SERPINA12: variants seen among roughly 807,000 people sequenced by gnomAD.
SERPINA12 encodes serpin A12.
In SERPINA12, 21 loss-of-function variants were observed where a neutral mutation model predicts 25.9. The ratio of observed to expected loss-of-function variants is 0.81; its 90% CI spans 0.58 to 1.17. SERPINA12 has a LOEUF of 1.17. Ranked by LOEUF, SERPINA12 falls within the 50% of genes most tolerant of loss-of-function variation. The pLI is 0.00. For synonymous variants in SERPINA12, 220 were observed against 196.0 expected, an observed-to-expected ratio of 1.12 and a Z score of -1.02; for missense variants, 562 against 508.3, an observed-to-expected ratio of 1.11 and a Z score of -1.02.
chr14:94,504,606 G>A (rs1237897264), intron 1 of SERPINA12, among the ~76,000 whole-genome samples: 3 of 152,190 alleles, frequency 2.0e-5, no homozygotes, highest in African/African-American at 4.8e-5. Flanking sequence ...CTCACATGGA[G>A]TCCTTTGGGG....
exon 2 of SERPINA12, chr14:94,516,134 G>T: frequency 6.6e-6 from 1 of 152,636 alleles, no homozygotes. Flanking sequence ...CATGAGCTGG[G>T]CTTCCACCAG....
intron 4 of SERPINA12, among the ~76,000 whole-genome samples, chr14:94,488,182 G>A (rs1595681780): frequency 6.6e-6 from 1 of 152,210 alleles, no homozygotes; most frequent in East Asian, 1.9e-4. Context: ...TTAAATGTTT[G>A]TGGGAAGTCT....
exon 1 of SERPINA12, chr14:94,517,660 AC>A (rs1168026194): frequency 6.6e-6 from 1 of 152,140 alleles, no homozygotes; most frequent in Non-Finnish European, 1.5e-5. Flanking sequence ...TGATTTCCCA[AC>A]TTAAGAAGAA....
chr14:94,503,638 G>T (rs1351808525), intron 1 of SERPINA12, among the ~76,000 whole-genome samples: 2 of 152,240 alleles, frequency 1.3e-5, no homozygotes, highest in Non-Finnish European at 2.9e-5. Flanking sequence ...ATGAGGCCCA[G>T]AGTGGACAAA....
chr14:94,497,988 G>A lies in SERPINA12; in HGVS notation c.410C>T (p.Thr137Met), dbSNP rs368059461. The A allele has an allele frequency of 3.8e-5, 61 of 1,614,028 alleles. No individual in the cohort carries two copies. Among genetic ancestry groups the A allele is most frequent in the Middle Eastern group, 1.6e-4 (1 of 6,084 alleles). The change falls in exon 2 of 5, where the codon ACG (threonine) becomes ATG (methionine). Residue 137 changes from threonine to methionine, a missense_variant. Coordinates refer to ENST00000677451, the MANE Select transcript of SERPINA12 (RefSeq NM_001382267.1). ...TQDLKLSIGN[T>M]LFIDQRLQPQ... Reference sequence around the variant, plus strand: ...CTGCAGCCTCTGGTCAATGAACAGCGTGTTCCCAATGCTCAGTTTGAGGTC... The same window carrying A: ...CTGCAGCCTCTGGTCAATGAACAGCATGTTCCCAATGCTCAGTTTGAGGTC...
intron 1 of SERPINA12, chr14:94,501,049 G>C: frequency 1.0e-6 from 1 of 985,368 alleles, no homozygotes; most frequent in Non-Finnish European, 1.2e-6. Context: ...ATAACAGCTG[G>C]TGATGAACAA....
chr14:94,489,423 C>T (rs561381368), intron 4 of SERPINA12, among the ~76,000 whole-genome samples, 197 bp downstream of exon 4: 5 of 152,270 alleles, frequency 3.3e-5, no homozygotes, highest in African/African-American at 9.6e-5. Flanking sequence ...GTTTTAAAGA[C>T]TGGAAGCATG....
intron 4 of SERPINA12, among the ~76,000 whole-genome samples, chr14:94,488,385 A>G (rs1020069248): frequency 3.3e-5 from 5 of 151,586 alleles, no homozygotes; most frequent in African/African-American, 1.2e-4. Context: ...CCACTACTCC[A>G]TGATATCCAA....
intron 3 of SERPINA12, among the ~76,000 whole-genome samples, chr14:94,493,574 C>A (rs577667766): frequency 1.3e-5 from 2 of 152,290 alleles, no homozygotes; most frequent in East Asian, 3.9e-4. Flanking sequence ...CTTCACAAGA[C>A]GCCACTGAGA....
At chr14:94,502,249 T>C (rs1221553717) in intron 1 of SERPINA12, among the ~76,000 whole-genome samples, 1 of 152,150 alleles carries the variant, frequency 6.6e-6, no homozygotes, top group East Asian at 1.9e-4. Context: ...AATTTCCTCC[T>C]CTTATGACTA....
chr14:94,507,366 C>T (rs1248082317), intron 1 of SERPINA12, among the ~76,000 whole-genome samples: 1 of 152,162 alleles, frequency 6.6e-6, no homozygotes, highest in Non-Finnish European at 1.5e-5. Context: ...AATGGAACTT[C>T]ATTAACATTA....
Position 94,497,996 on chromosome 14 carries a change from A to G in SERPINA12, c.402T>C (p.Ile134=), listed in dbSNP as rs1452596769. 2 of 1,614,164 alleles carry G rather than the reference A, an allele frequency of 1.2e-6. No individual in the cohort carries two copies. The highest frequency in any genetic ancestry group is 1.7e-6 in the Non-Finnish European group (2 of 1,180,026). Residue 134 remains isoleucine (I), a synonymous_variant, in exon 2 of 5, where the codon ATT becomes ATC. Transcript: ENST00000677451. ...TQKTQDLKLS[I]GNTLFIDQRL... is the part of the protein sequence containing the mutation. ...TCTGGTCAATGAACAGCGTGTTCCC[A>G]ATGCTCAGTTTGAGGTCCTGGGTCT...
At chr14:94,489,551 T>C in intron 4 of SERPINA12, 69 bp downstream of exon 4, 1 of 1,554,792 alleles carries the variant, frequency 6.4e-7, no homozygotes, top group East Asian at 2.3e-5. Flanking sequence ...ACTGTGACCC[T>C]GGCTCTGGCC....
upstream of SERPINA12, among the ~76,000 whole-genome samples, chr14:94,512,609 G>A (rs904023433): frequency 6.6e-6 from 1 of 152,080 alleles, no homozygotes; most frequent in Non-Finnish European, 1.5e-5. Flanking sequence ...CATCAAGAGT[G>A]AGGGTGTTGT....
intron 1 of SERPINA12, among the ~76,000 whole-genome samples, chr14:94,507,307 T>C (rs7158068): frequency 0.49 from 74,093 of 152,104 alleles, 19,697 homozygotes; most frequent in African/African-American, 0.72. Flanking sequence ...AGACAATCTT[T>C]GTGACCATGA....
At chr14:94,513,918 T>C (rs1901167949), upstream of SERPINA12, among the ~76,000 whole-genome samples, 1 of 152,176 alleles carries the variant, frequency 6.6e-6, no homozygotes, top group Non-Finnish European at 1.5e-5. Flanking sequence ...ATGAACAGCC[T>C]GGAGGTTGCT....
chr14:94,510,260 A>C, upstream of SERPINA12: 1 of 985,420 alleles, frequency 1.0e-6, no homozygotes, highest in Non-Finnish European at 1.2e-6. Context: ...AAAATAATAT[A>C]GACCCAAGTC....
intron 4 of SERPINA12, among the ~76,000 whole-genome samples, chr14:94,489,107 AAAAG>A (rs936066897): frequency 3.3e-5 from 5 of 151,580 alleles, no homozygotes; most frequent in Admixed American, 6.6e-5. Flanking sequence ...AAAACAAAAT[AAAAG>A]AAAGAAAGGA....
chr14:94,498,200 G>C lies in SERPINA12; in HGVS notation c.198C>G (p.Tyr66Ter), dbSNP rs755094283. The change falls in exon 2 of 5, where the codon TAC (tyrosine) becomes TAG (stop). Residue 66 changes from tyrosine to a stop codon, truncating the protein, a stop_gained. Coordinates refer to ENST00000677451, the MANE Select transcript of SERPINA12 (RefSeq NM_001382267.1). LOFTEE classifies it high-confidence loss of function. The part of the protein sequence containing the change: ...GFKLLKKLAF[Y>*]NPGRNIFLSP... ...ATAGGAAGATGTTCCTGCCAGGGTT[G>C]TAAAAGGCCAGCTTCTTGAGCAGCT... is the stretch of plus-strand genomic sequence containing the variant. 2 of 1,614,216 alleles carry C rather than the reference G, an allele frequency of 1.2e-6. No individual in the cohort carries two copies. Among genetic ancestry groups the C allele is most frequent in the Admixed American group, 3.3e-5 (2 of 60,028 alleles).
Sources: allele counts gnomAD v4.1 joint callset (sites outside exome capture counted in the v4.1 genomes callset), GRCh38; gene constraint gnomAD v4.1.1; transcripts MANE v1.5; gene names NCBI Gene and HGNC (gene_info 2026-07-23, HGNC 2026-07-21).